EPHA5: variants seen among roughly 807,000 people sequenced by gnomAD.
EPHA5 encodes the protein ephrin type-A receptor 5.
In EPHA5, 60 loss-of-function variants were observed where a neutral mutation model predicts 105.0. The observed-to-expected ratio is 0.57, with a 90% CI of 0.46 to 0.71. The LOEUF is 0.71. Ranked by LOEUF, EPHA5 falls within the 30% of genes least tolerant of loss-of-function variation. EPHA5 has a pLI of 0.00. For missense variants in EPHA5, 1,218 were observed against 1,274.7 expected (o/e 0.96, Z 0.68); for synonymous variants, 513 against 449.1 (o/e 1.14, Z -1.80).
Position 65,669,588 on chromosome 4 carries a change from G to C in EPHA5, c.155C>G (p.Thr52Ser), listed in dbSNP as rs2149570782. ...TTCGTTGCTGGGGCTGGCCAGGAGG[G>C]TCCGGAGTGCGGCGCACAGGAGAAG... is the stretch of plus-strand genomic sequence containing the variant. ...TCLLLCAALR[T>S]LLASPSNEVN... is the part of the protein sequence containing the mutation. Residue 52 changes from threonine to serine, a missense_variant, in exon 1 of 17, where the codon ACC becomes AGC. Physicochemically the swap from Thr to Ser is moderately conservative, Grantham distance 58. Around this residue, in one of 3 missense-constraint regions of EPHA5, gnomAD observed 233 missense variants for 227.5 expected, o/e 1.02. Transcript: ENST00000613740. 7.0e-7 allele frequency: 1 copy of C among 1,432,918 alleles called. No homozygotes were observed. Among genetic ancestry groups the C allele is most frequent in the Non-Finnish European group, 9.2e-7 (1 of 1,088,696 alleles). The allele number at this position is 1,432,918 out of a possible 1,614,324, so 88.8% of individuals were successfully genotyped here. A position where few individuals can be genotyped will look rare whatever the true frequency, so the allele number is the denominator to read the frequency against.
intron 5 of EPHA5, among the ~76,000 whole-genome samples, chr4:65,429,800 C>A (rs1197619397): frequency 6.6e-6 from 1 of 152,004 alleles, no homozygotes; most frequent in African/African-American, 2.4e-5. Flanking sequence ...TACCATCTGA[C>A]ATGATTTCTT....
chr4:65,570,172 A>AT (rs1739974994), intron 3 of EPHA5, among the ~76,000 whole-genome samples: 1 of 151,864 alleles, frequency 6.6e-6, no homozygotes, highest in Non-Finnish European at 1.5e-5. Context: ...TAAAAAGAAG[A>AT]TGATAGAACT....
In EPHA5 at chr4:65,390,758, C is replaced by T. The variant is rs150305969; in HGVS notation, c.1793+13616G>A. Among the ~76,000 whole-genome samples the T allele has an allele frequency of 3.4e-3, 511 of 151,858 alleles. 2 individuals carry two copies. Among genetic ancestry groups the T allele is most frequent in the African/African-American group, 7.1e-3 (294 of 41,444 alleles). ...TAACGATGGCTAAAACACAGTGTGACGATGAAAGCAGACATAACTAATATT... is the reference window on the plus strand; with the variant it reads ...TAACGATGGCTAAAACACAGTGTGATGATGAAAGCAGACATAACTAATATT... On this transcript the variant is annotated intron_variant, in intron 8 of 16. Coordinates refer to ENST00000613740, the MANE Select transcript of EPHA5 (RefSeq NM_001281766.3).
At chr4:65,352,240 G>A (rs1370047191) in intron 12 of EPHA5, among the ~76,000 whole-genome samples, 1 of 151,986 alleles carries the variant, frequency 6.6e-6, no homozygotes, top group African/African-American at 2.4e-5. Flanking sequence ...GGCAGAGTCT[G>A]GCAGTAGGAA....
At chr4:65,599,499 G>T (rs1183095419) in intron 3 of EPHA5, among the ~76,000 whole-genome samples, 1 of 152,030 alleles carries the variant, frequency 6.6e-6, no homozygotes, top group Admixed American at 6.6e-5. Flanking sequence ...TATTACATAA[G>T]TTGTGTGTAG....
chr4:65,423,466 C>A (rs1578083495), intron 5 of EPHA5, among the ~76,000 whole-genome samples: 1 of 152,004 alleles, frequency 6.6e-6, no homozygotes, highest in Admixed American at 6.6e-5. Context: ...ATTAGAAATT[C>A]TTCTGCATGG....
rs1047157173 is a variant in EPHA5 at position 65,649,377 on chromosome 4, T to C, written c.182-5950A>G. On this transcript the variant is annotated intron_variant, in intron 1 of 16. Transcript: ENST00000613740. Reference sequence around the variant, plus strand: ...GGAATGAATCTACCTTGTTTGTACATGAACCAAGGCAGCTGAACATAGCTT... The same window carrying C: ...GGAATGAATCTACCTTGTTTGTACACGAACCAAGGCAGCTGAACATAGCTT... Among the ~76,000 whole-genome samples, 3 of 152,162 alleles carry C rather than the reference T, an allele frequency of 2.0e-5. No homozygotes were observed. In the South Asian group the frequency reaches 6.2e-4, roughly 31 times the overall value.
At chr4:65,506,932 G>A (rs1733090997) in intron 3 of EPHA5, among the ~76,000 whole-genome samples, 1 of 152,096 alleles carries the variant, frequency 6.6e-6, no homozygotes, top group Non-Finnish European at 1.5e-5. Flanking sequence ...TAGACATGAA[G>A]TCCTTGCCCA....
chr4:65,612,369 C>G (rs1232499370), intron 2 of EPHA5, among the ~76,000 whole-genome samples: 1 of 152,130 alleles, frequency 6.6e-6, no homozygotes, highest in African/African-American at 2.4e-5. Flanking sequence ...TTATTCCACT[C>G]TCTATATCCG....
rs190296017 is a variant in EPHA5 at position 65,324,144 on chromosome 4, C to T, written c.3021G>A (p.Val1007=). Residue 1007 remains valine (V), a synonymous_variant, in exon 17 of 17, where the codon GTG becomes GTA. Transcript: ENST00000613740. ...KIMNSLQEMK[V]QLVNGMVPL ...ATGGCACCATTCCGTTTACCAGCTGCACCTTCATTTCTTGAAGGCTGTTCA... is the reference window on the plus strand; with the variant it reads ...ATGGCACCATTCCGTTTACCAGCTGTACCTTCATTTCTTGAAGGCTGTTCA... The T allele has an allele frequency of 4.4e-5, 70 of 1,609,018 alleles. No homozygotes were observed. The East Asian group carries it at 1.6e-3, about 36-fold the overall frequency.
At chr4:65,606,988 A>G (rs1744290914) in intron 2 of EPHA5, among the ~76,000 whole-genome samples, 1 of 152,188 alleles carries the variant, frequency 6.6e-6, no homozygotes, top group South Asian at 2.1e-4. Context: ...ACTTTGAGTC[A>G]CATATTTTAA....
intron 16 of EPHA5, chr4:65,330,577 T>A: frequency 2.2e-6 from 1 of 445,800 alleles, no homozygotes; most frequent in Non-Finnish European, 3.0e-6. Context: ...AATAATTTTA[T>A]TATATATTTA....
At position 65,594,329 on chromosome 4, in the gene EPHA5, AATCATTAATTCTCC is replaced by A. The variant is rs528413464; in HGVS notation, c.910+7298_910+7311del. Among the ~76,000 whole-genome samples, 267 of 152,318 alleles carry A rather than the reference AATCATTAATTCTCC, an allele frequency of 1.8e-3. 3 individuals are homozygous for A. The Middle Eastern group carries it at 0.02, about 12-fold the overall frequency. On this transcript the variant is annotated intron_variant, in intron 3 of 16. Coordinates refer to ENST00000613740, the MANE Select transcript of EPHA5 (RefSeq NM_001281766.3). ...TATGAGACATTTCAACATAAAATAT[AATCATTAATTCTCC>A]ATCCATATAACCATGATGAAACTCA...
At chr4:65,383,540 T>C (rs1162161468) in intron 8 of EPHA5, among the ~76,000 whole-genome samples, 3 of 151,850 alleles carry the variant, frequency 2.0e-5, no homozygotes, top group Non-Finnish European at 4.4e-5. Flanking sequence ...GCAAGAACAT[T>C]ATAGGGAAAA....
chr4:65,646,165 T>C (rs1398610298), intron 1 of EPHA5, among the ~76,000 whole-genome samples: 1 of 152,182 alleles, frequency 6.6e-6, no homozygotes, highest in Admixed American at 6.5e-5. Flanking sequence ...TTCAGGACAC[T>C]ATTCTGATCT....
intron 8 of EPHA5, among the ~76,000 whole-genome samples, chr4:65,399,973 T>C (rs577763926): frequency 6.6e-6 from 1 of 152,296 alleles, no homozygotes; most frequent in South Asian, 2.1e-4. Context: ...AACTATTCAG[T>C]AGTTAATTTT....
rs777363839 is a variant in EPHA5 at position 65,654,996 on chromosome 4, A to G, written c.182-11569T>C. Among the ~76,000 whole-genome samples, 9 of 150,454 alleles carry G rather than the reference A, an allele frequency of 6.0e-5. No homozygotes were observed. In the Admixed American group the frequency reaches 6.0e-4, roughly 10 times the overall value. On this transcript the variant is annotated intron_variant, in intron 1 of 16. Transcript: ENST00000613740. ...GATCAGTTTTTTCAAATCAGTGGTT[A>G]TGTCATTGAATATGCATCAAATCAT...
chr4:65,662,200 T>G (rs1749613080), intron 1 of EPHA5, among the ~76,000 whole-genome samples: 1 of 152,018 alleles, frequency 6.6e-6, no homozygotes, highest in South Asian at 2.1e-4. Flanking sequence ...AAAAAAGACA[T>G]TACCCATCTC....
chr4:65,355,122 G>A (rs1723178574), intron 11 of EPHA5, among the ~76,000 whole-genome samples: 1 of 151,574 alleles, frequency 6.6e-6, no homozygotes, highest in Non-Finnish European at 1.5e-5. Context: ...ATAAAAGGTG[G>A]CCAGAGTTCC....
Sources: allele counts gnomAD v4.1 joint callset (sites outside exome capture counted in the v4.1 genomes callset), GRCh38; gene constraint gnomAD v4.1.1; regional missense constraint gnomAD v4.1.1; transcripts MANE v1.5; gene names NCBI Gene and HGNC (gene_info 2026-07-23, HGNC 2026-07-21).